SP140: variants seen among roughly 807,000 people sequenced by gnomAD.
SP140 encodes the protein nuclear body protein SP140.
In SP140, 81 loss-of-function variants were observed where a neutral mutation model predicts 125.0. That is an observed-to-expected ratio of 0.65 (90% CI 0.54 to 0.78). The LOEUF is 0.78. Ranked by LOEUF, SP140 falls within the 30% of genes least tolerant of loss-of-function variation. The pLI is 0.00. For missense variants in SP140, 858 were observed against 1,037.0 expected (o/e 0.83, Z 2.37); for synonymous variants, 312 against 354.0 (o/e 0.88, Z 1.33).
rs762753374 is a variant in SP140, at chr2:230,309,956, G to C, written c.2091G>C (p.Arg697=). 1 of 1,614,142 alleles carries C rather than the reference G, an allele frequency of 6.2e-7. No homozygotes were observed. The highest frequency in any genetic ancestry group is 1.7e-5 in the Admixed American group (1 of 60,024). The change falls in exon 23 of 27, where the codon CGG becomes CGC. Residue 697 remains arginine (R), a synonymous_variant. Transcript: ENST00000392045. The part of the protein sequence containing the change: ...MRNLDECEVC[R]DGGELFCCDT... Reference sequence around the variant, plus strand: ...ACCTGGATGAGTGTGAGGTGTGCCGGGACGGAGGGGAGCTGTTCTGTTGCG... The same window carrying C: ...ACCTGGATGAGTGTGAGGTGTGCCGCGACGGAGGGGAGCTGTTCTGTTGCG...
At chr2:230,212,274 C>T (rs1412342135) in intron 1 of SP140, 9 of 1,135,068 alleles carry the variant, frequency 7.9e-6, no homozygotes, top group Non-Finnish European at 1.3e-6. Flanking sequence ...ACCATAGCCT[C>T]TTGGTTGGCA....
chr2:230,223,082 G>T (rs2045955896), upstream of SP140, among the ~76,000 whole-genome samples: 1 of 150,880 alleles, frequency 6.6e-6, no homozygotes, highest in Non-Finnish European at 1.5e-5. Context: ...CTGTCTCCAG[G>T]CTAGAGTGCT....
chr2:230,308,661 T>C (rs529390987), intron 22 of SP140, among the ~76,000 whole-genome samples: 1 of 152,296 alleles, frequency 6.6e-6, no homozygotes, highest in Non-Finnish European at 1.5e-5. Context: ...AGGGAGAGTG[T>C]GATTGGCTTG....
intron 19 of SP140, among the ~76,000 whole-genome samples, chr2:230,291,007 T>C (rs1575248186): frequency 6.6e-6 from 1 of 152,176 alleles, no homozygotes; most frequent in East Asian, 1.9e-4. Context: ...GACTGTTCCA[T>C]TCTGAGTAGA....
chr2:230,292,456 C>A (rs183468646), intron 19 of SP140, among the ~76,000 whole-genome samples, 190 bp from the exon 20 acceptor site: 1 of 152,328 alleles, frequency 6.6e-6, no homozygotes, highest in African/African-American at 2.4e-5. Context: ...TGCACCCCCA[C>A]CAGGAAATAT....
chr2:230,216,703 G>C, intron 3 of SP140: 2 of 1,561,234 alleles, frequency 1.3e-6, no homozygotes, highest in Non-Finnish European at 1.8e-6. Flanking sequence ...AAGCCCTGGT[G>C]GTTTGTGGTT....
At chr2:230,309,389 C>T (rs2059123842) in intron 22 of SP140, among the ~76,000 whole-genome samples, 1 of 152,198 alleles carries the variant, frequency 6.6e-6, no homozygotes, top group Admixed American at 6.5e-5. Context: ...CCTTCCCCCT[C>T]AGAGGTCGGC....
At chr2:230,268,802 C>T (rs1442751504) in intron 12 of SP140, among the ~76,000 whole-genome samples, 1 of 152,170 alleles carries the variant, frequency 6.6e-6, no homozygotes, top group African/African-American at 2.4e-5. Context: ...GCCTGAGATT[C>T]ATGCCTGTGG....
the SP140 span, among the ~76,000 whole-genome samples, chr2:230,195,337 T>C: frequency 7.9e-5 from 12 of 152,280 alleles, no homozygotes; most frequent in East Asian, 5.8e-4. Flanking sequence ...ATATATGTCA[T>C]TTAAAAAGTT....
chr2:230,211,402 G>A lies in SP140; in HGVS notation c.-322-2252G>A, dbSNP rs41309098. On this transcript the variant is annotated intron_variant, in intron 1 of 4. Coordinates refer to the SP140 transcript ENST00000456542. This position sits in a 1 kb window ranked among gnomAD's most constrained non-coding sequence, Gnocchi z 4.2. ...GGAGAGCCCCCTCTCTAGAAGATCCGAATGGCTTTTCCTCTTAGTAAACAC... is the reference window on the plus strand; with the variant it reads ...GGAGAGCCCCCTCTCTAGAAGATCCAAATGGCTTTTCCTCTTAGTAAACAC... 8.6e-5 allele frequency: 87 copies of A among 1,011,352 alleles called. No homozygotes were observed. In the Middle Eastern group the frequency reaches 1.0e-3, roughly 12 times the overall value. 62.6% of individuals were successfully genotyped at this position (1,011,352 alleles called of 1,614,324 possible).
the SP140 span, among the ~76,000 whole-genome samples, chr2:230,191,564 C>T: frequency 3.9e-5 from 6 of 151,976 alleles, no homozygotes; most frequent in Non-Finnish European, 8.8e-5. Context: ...ACACATACAC[C>T]CTATCAAGAC....
intron 23 of SP140, chr2:230,310,284 A>G (rs896102527): frequency 1.7e-5 from 9 of 533,458 alleles, no homozygotes; most frequent in South Asian, 1.4e-4. Context: ...CTTTGCCTAC[A>G]TACCGGCATT....
At chr2:230,312,217 C>T (rs2059387331) in intron 26 of SP140, among the ~76,000 whole-genome samples, 2 of 152,338 alleles carry the variant, frequency 1.3e-5, no homozygotes, top group Middle Eastern at 3.4e-3. Context: ...ACGGAAGTTA[C>T]TCTTAGCTGC....
At chr2:230,299,690 A>G (rs974695623) in intron 22 of SP140, among the ~76,000 whole-genome samples, 1 of 152,060 alleles carries the variant, frequency 6.6e-6, no homozygotes, top group Non-Finnish European at 1.5e-5. Context: ...TGCTTTCTCA[A>G]TGGGGGTGCT....
chr2:230,223,469 T>C (rs2045985474), upstream of SP140, among the ~76,000 whole-genome samples: 1 of 152,202 alleles, frequency 6.6e-6, no homozygotes, highest in South Asian at 2.1e-4. Context: ...TCCCATACAT[T>C]CTGTGAGCTA....
At chr2:230,236,893 T>C (rs1312809248) in intron 1 of SP140, among the ~76,000 whole-genome samples, 190 bp from the exon 2 acceptor site, 1 of 152,234 alleles carries the variant, frequency 6.6e-6, no homozygotes, top group Admixed American at 6.5e-5. Flanking sequence ...TTAAGTTCAC[T>C]GTTTTCATCT....
In SP140 at chr2:230,218,593, C is replaced by T. The variant is rs41309074; in HGVS notation, c.-91+4519C>T. 8.0e-3 allele frequency among the ~76,000 whole-genome samples: 1,217 copies of T among 152,254 alleles called. 9 individuals carry two copies. The highest frequency in any genetic ancestry group is 0.018 in the South Asian group (87 of 4,826). On this transcript the variant is annotated intron_variant, in intron 3 of 4. Coordinates refer to the SP140 transcript ENST00000456542. ...TTTAGAACAATTCATTATACAGCAG[C>T]GCTCAGAACAGGAAGTCTAGAGCTT... is the stretch of plus-strand genomic sequence containing the variant.
At position 230,294,296 on chromosome 2, in the gene SP140, G is replaced by T; in HGVS notation, c.1994G>T (p.Arg665Ile). The stretch of plus-strand genomic sequence containing the variant: ...AATGGATTTCTGCCTGATCCTCCAA[G>T]AATACGTTACAGGAAAAAAAAGGTG... ...MENGFLPDPP[R>I]IRYRKKKRIL... Residue 665 changes from arginine (R) to isoleucine (I), a missense_variant, in exon 21 of 27, where the codon AGA (arginine) becomes ATA (isoleucine). Physicochemically the swap from Arg to Ile is moderately conservative, Grantham distance 97 (BLOSUM62 -3). Around this residue, in one of 4 missense-constraint regions of SP140, gnomAD observed 791 missense variants for 869.5 expected, o/e 0.91. Transcript: ENST00000392045. 1 of 1,612,640 alleles carries T rather than the reference G, an allele frequency of 6.2e-7. No individual in the cohort carries two copies. Among genetic ancestry groups the T allele is most frequent in the Non-Finnish European group, 8.5e-7 (1 of 1,178,836 alleles).
At chr2:230,186,235 T>A in the SP140 span, 1 of 1,217,152 alleles carries the variant, frequency 8.2e-7, no homozygotes, top group Non-Finnish European at 1.2e-6. Flanking sequence ...CATTTCTCTA[T>A]AATTCTCTCT....
Sources: allele counts gnomAD v4.1 joint callset (sites outside exome capture counted in the v4.1 genomes callset), GRCh38; gene constraint gnomAD v4.1.1; regional missense constraint gnomAD v4.1.1; non-coding constraint Gnocchi (gnomAD v3.1); transcripts MANE v1.5; gene names NCBI Gene and HGNC (gene_info 2026-07-23, HGNC 2026-07-21).